Variants in PKD1 observed in about 807,000 individuals in gnomAD.
PKD1 encodes the protein polycystin 1, transient receptor potential channel interacting.
PKD1 carries 81 observed loss-of-function variants against 361.7 expected under a neutral mutation model. The observed-to-expected ratio is 0.22, with a 90% CI of 0.19 to 0.27. PKD1 has a LOEUF of 0.27. Among genes scored for constraint, PKD1 ranks in the 10% least tolerant of loss-of-function variants. The probability of loss-of-function intolerance (pLI) is 1.00; values close to 1 mark genes in which losing one functional copy is unlikely to be tolerated. For synonymous variants in PKD1, 3,615 were observed against 2,818.3 expected (o/e 1.28, Z -8.95); for missense variants, 6,399 against 6,118.3 (o/e 1.05, Z -1.53).
Position 2,116,865 on chromosome 16 carries a change from G to C in PKD1, c.1574C>G (p.Pro525Arg), listed in dbSNP as rs756501602. The C allele has an allele frequency of 7.2e-6, 11 of 1,530,832 alleles. No homozygotes were observed. The East Asian group carries it at 7.3e-5, about 10-fold the overall frequency. The allele number at this position is 1,530,832 out of a possible 1,614,324, so 94.8% of individuals were successfully genotyped here. The change falls in exon 7 of 46, where the codon CCG becomes CGG. Residue 525 changes from proline (P) to arginine (R), a missense_variant. Transcript: ENST00000262304. The part of the protein sequence containing the change: ...GWCNTDLCSA[P>R]HSYVCELQPG... Reference sequence around the variant, plus strand: ...CTGCAGCTCGCAGACGTAGCTGTGCGGCGCTGAGCACAGGTCGGTGTTACA... The same window carrying C: ...CTGCAGCTCGCAGACGTAGCTGTGCCGCGCTGAGCACAGGTCGGTGTTACA...
intron 15 of PKD1, 38 bp from the exon 16 acceptor site, chr16:2,108,070 C>A: frequency 6.3e-7 from 1 of 1,585,850 alleles, no homozygotes; most frequent in Non-Finnish European, 8.6e-7. Flanking sequence ...GGCCTGAGAG[C>A]CCCATCCAGT....
intron 1 of PKD1, among the ~76,000 whole-genome samples, chr16:2,124,404 C>G (rs547467347): frequency 6.6e-6 from 1 of 152,236 alleles, no homozygotes. Context: ...ACAGTTGGCG[C>G]GAGGGTGGGT....
In PKD1 at chr16:2,099,941, G is replaced by A. The variant is rs1263433576; in HGVS notation, c.9843C>T (p.Ala3281=). ...PRSRFTRIQR[A]TCCVLLICLF... ...GGCAGATGAGGAGAACGCAGCAGGT[G>A]GCCCTCTGGATGCGAGTGAAACGGC... Residue 3281 remains alanine (A), a synonymous_variant, in exon 29 of 46, where the codon GCC becomes GCT. Coordinates refer to ENST00000262304, the MANE Select transcript of PKD1 (RefSeq NM_001009944.3). The A allele has an allele frequency of 1.3e-6, 2 of 1,561,962 alleles. No individual in the cohort carries two copies. The highest frequency in any genetic ancestry group is 1.4e-5 in the African/African-American group (1 of 73,686).
chr16:2,116,078 A>G lies in PKD1; in HGVS notation c.1763T>C (p.Phe588Ser). 2.6e-6 allele frequency: 4 copies of G among 1,530,962 alleles called. No individual in the cohort carries two copies. In the Admixed American group the frequency reaches 7.7e-5, roughly 29 times the overall value. The allele number at this position is 1,530,962 out of a possible 1,614,324, so 94.8% of individuals were successfully genotyped here. ...GGTCCCAAATTCGGCCGTGGTGAGG[A>G]AGGCTTCACGGCTCAGACGCAGGCC... ...FPGLRLSREA[F>S]LTTAEFGTQE... The change falls in exon 9 of 46, where the codon TTC becomes TCC. Residue 588 changes from phenylalanine (F) to serine (S), a missense_variant. Physicochemically the swap from Phe to Ser is radical, Grantham distance 155. Coordinates refer to ENST00000262304, the MANE Select transcript of PKD1 (RefSeq NM_001009944.3).
Position 2,111,531 on chromosome 16 carries a change from G to C in PKD1, c.3636C>G (p.Leu1212=), listed in dbSNP as rs753613908. Residue 1212 remains leucine, a synonymous_variant, in exon 15 of 46, where the codon CTC becomes CTG. Coordinates refer to ENST00000262304, the MANE Select transcript of PKD1 (RefSeq NM_001009944.3). Reference sequence around the variant, plus strand: ...GGCTCATGTCCACGCTGAGTCCGCGGAGCTCCTCAAAGACGCGCACATCCG... The same window carrying C: ...GGCTCATGTCCACGCTGAGTCCGCGCAGCTCCTCAAAGACGCGCACATCCG... ...AQADVRVFEE[L]RGLSVDMSLA... The C allele has an allele frequency of 3.1e-6, 5 of 1,605,780 alleles. No homozygotes were observed. In the East Asian group the frequency reaches 1.1e-4, roughly 36 times the overall value.
In PKD1 at chr16:2,089,567, T is replaced by C. The variant is rs1304355286; in HGVS notation, c.*160A>G. ...GGTCCTGGTTGGCCACACAGCCTCT[T>C]TAAAGTGCTGAAGCCCACAGACAGA... On this transcript the variant is annotated 3_prime_UTR_variant, in exon 46 of 46. Transcript: ENST00000262304. 1 of 912,984 alleles carries C rather than the reference T, an allele frequency of 1.1e-6. No individual in the cohort carries two copies. The highest frequency in any genetic ancestry group is 1.7e-6 in the Non-Finnish European group (1 of 603,166). The allele number at this position is 912,984 out of a possible 1,614,324, so 56.6% of individuals were successfully genotyped here. A position where few individuals can be genotyped will look rare whatever the true frequency, so the allele number is the denominator to read the frequency against.
intron 34 of PKD1, 133 bp downstream of exon 34, chr16:2,097,015 A>C: frequency 2.9e-6 from 2 of 677,986 alleles, no homozygotes; most frequent in Non-Finnish European, 5.2e-6. Context: ...GGTTCAGAGA[A>C]GTGAAGTGGT....
In PKD1 at chr16:2,090,989, G is replaced by A. The variant is rs929508956; in HGVS notation, c.11898C>T (p.Phe3966=). The part of the protein sequence containing the change: ...LGAADRQWTR[F]VRGRPRRFTS... ...TGAAGCGGCGCGGGCGGCCGCGCACGAAACGGGTCCACTGGCGGTCAGCGG... is the reference window on the plus strand; with the variant it reads ...TGAAGCGGCGCGGGCGGCCGCGCACAAAACGGGTCCACTGGCGGTCAGCGG... The change falls in exon 43 of 46, where the codon TTC becomes TTT. Residue 3966 remains phenylalanine (F), a synonymous_variant. Transcript: ENST00000262304. The A allele has an allele frequency of 9.1e-6, 14 of 1,536,154 alleles. No individual in the cohort carries two copies. The African/African-American group carries it at 1.1e-4, about 12-fold the overall frequency.
In PKD1 at chr16:2,111,214, G is replaced by A. The variant is rs1348847796; in HGVS notation, c.3953C>T (p.Thr1318Ile). The A allele has an allele frequency of 6.2e-7, 1 of 1,611,208 alleles. No individual in the cohort carries two copies. The highest frequency in any genetic ancestry group is 8.5e-7 in the Non-Finnish European group (1 of 1,179,688). The change falls in exon 15 of 46, where the codon ACC becomes ATC. Residue 1318 changes from threonine to isoleucine, a missense_variant. Physicochemically the swap from Thr to Ile is moderately conservative, Grantham distance 89. Coordinates refer to ENST00000262304, the MANE Select transcript of PKD1 (RefSeq NM_001009944.3). ...QPDARLTAYV[T>I]GNPAHYLFDW... ...GAAGAGGTAGTGGGCCGGGTTCCCG[G>A]TGACGTAGGCCGTGAGCCGCGCGTC...
In PKD1 at chr16:2,103,468, G is replaced by T. The variant is rs745867613; in HGVS notation, c.8589C>A (p.Ile2863=). The T allele has an allele frequency of 1.2e-6, 2 of 1,600,800 alleles. No homozygotes were observed. Among genetic ancestry groups the T allele is most frequent in the Non-Finnish European group, 1.7e-6 (2 of 1,179,634 alleles). Residue 2863 remains isoleucine (I), a synonymous_variant, in exon 23 of 46, where the codon ATC becomes ATA. Transcript: ENST00000262304. The part of the protein sequence containing the change: ...FQTQAGAQIP[I]ERLASERAIT... The stretch of plus-strand genomic sequence containing the variant: ...TGGCGCGCTCTGAGGCCAGCCGCTC[G>T]ATGGGGATCTGGGCGCCGGCCTGTG...
rs764264106 is a variant in PKD1, at chr16:2,108,562, G to T, written c.6605C>A (p.Ala2202Glu). 3 of 1,586,470 alleles carry T rather than the reference G, an allele frequency of 1.9e-6. No homozygotes were observed. The highest frequency in any genetic ancestry group is 2.7e-5 in the African/African-American group (2 of 74,426). The stretch of plus-strand genomic sequence containing the variant: ...GTCCACGCCGGGCAGGGCCACACGC[G>T]CTGGGCGCCCCGGCCGCTGGCAGCT... ...TASCQRPGRPARVALPGVDVS... is the reference protein window; with the variant it reads ...TASCQRPGRPERVALPGVDVS... The change falls in exon 15 of 46, where the codon GCG becomes GAG. Residue 2202 changes from alanine to glutamate, a missense_variant. Physicochemically the swap from Ala to Glu is moderately radical, Grantham distance 107. Transcript: ENST00000262304.
intron 1 of PKD1, among the ~76,000 whole-genome samples, chr16:2,120,949 G>A (rs1322107203): frequency 7.0e-4 from 104 of 149,306 alleles, no homozygotes; most frequent in African/African-American, 2.3e-3. Context: ...CCCGGGAGGC[G>A]AAGGTTGCAG....
Position 2,124,767 on chromosome 16 carries a change from G to A in PKD1, c.216-5389C>T, listed in dbSNP as rs2092772565. ...TGCGCCAGGCCCGGCACCCCCGCCCGCGCTGGCCGCCTCACTGGAAACTGG... is the reference window on the plus strand; with the variant it reads ...TGCGCCAGGCCCGGCACCCCCGCCCACGCTGGCCGCCTCACTGGAAACTGG... On this transcript the variant is annotated intron_variant, in intron 1 of 45. Transcript: ENST00000262304. 3.9e-5 allele frequency among the ~76,000 whole-genome samples: 6 copies of A among 152,318 alleles called. No homozygotes were observed. The South Asian group carries it at 8.3e-4, about 21-fold the overall frequency.
At chr16:2,095,820 G>A (rs1416151586) in intron 34 of PKD1, among the ~76,000 whole-genome samples, 8 of 152,200 alleles carry the variant, frequency 5.3e-5, no homozygotes, top group South Asian at 4.1e-4. Flanking sequence ...AAATCCCCGC[G>A]GAAGCACTGA....
Position 2,108,019 on chromosome 16 carries a change from C to T in PKD1, c.6929G>A (p.Gly2310Glu). 6.4e-7 allele frequency: 1 copy of T among 1,552,462 alleles called. No individual in the cohort carries two copies. The highest frequency in any genetic ancestry group is 2.4e-5 in the East Asian group (1 of 41,432). Residue 2310 changes from glycine (G) to glutamate (E), a missense_variant, in exon 16 of 46, where the codon GGG (glycine) becomes GAG (glutamate). Coordinates refer to ENST00000262304, the MANE Select transcript of PKD1 (RefSeq NM_001009944.3). Reference protein sequence around the residue: ...CVASTQREAGGCALNFGPRGS... With the variant: ...CVASTQREAGECALNFGPRGS... ...GCGGGGCCCAAAGTTCAGCGCACAC[C>T]CGCCAGCCTCCCTCTGCAGGCCGAG...
rs201778279 is a variant in PKD1 at position 2,109,804 on chromosome 16, C to T, written c.5363G>A (p.Gly1788Asp). 2.9e-4 allele frequency: 474 copies of T among 1,610,306 alleles called. No individual in the cohort carries two copies. The highest frequency in any genetic ancestry group is 2.7e-4 in the Non-Finnish European group (316 of 1,179,686). The change falls in exon 15 of 46, where the codon GGC becomes GAC. Residue 1788 changes from glycine (G) to aspartate (D), a missense_variant. By Grantham distance (94) the Gly-to-Asp change is moderately conservative (BLOSUM62 -1). Coordinates refer to ENST00000262304, the MANE Select transcript of PKD1 (RefSeq NM_001009944.3). ...LVTMTAGNPL[G>D]SANATVEVDV... ...CACTTCCACGGTGGCGTTGGCTGAGCCCAGCGGGTTCCCTGCCGTCATGGT... is the reference window on the plus strand; with the variant it reads ...CACTTCCACGGTGGCGTTGGCTGAGTCCAGCGGGTTCCCTGCCGTCATGGT...
intron 34 of PKD1, among the ~76,000 whole-genome samples, chr16:2,096,287 C>T (rs74002781): frequency 0.17 from 26,440 of 152,212 alleles, 3,497 homozygotes; most frequent in African/African-American, 0.37. Context: ...GCACTGCATG[C>T]CACTGCACTG....
chr16:2,124,722 CGTGTGGTCAGCAGCGGGTGTGCGCCAG>C (rs1368705822), intron 1 of PKD1, among the ~76,000 whole-genome samples: 1 of 152,210 alleles, frequency 6.6e-6, no homozygotes, highest in African/African-American at 2.4e-5. Context: ...ATTCCAGACA[CGTGTGGTCAGCAGCGGGTGTGCGCCAG>C]GCCCGGCACC....
At position 2,105,768 on chromosome 16, in the gene PKD1, C is replaced by T. The variant is rs1454060712; in HGVS notation, c.7863+97G>A. 21 of 1,407,126 alleles carry T rather than the reference C, an allele frequency of 1.5e-5. No individual in the cohort carries two copies. In the Admixed American group the frequency reaches 1.9e-4, roughly 13 times the overall value. The allele number at this position is 1,407,126 out of a possible 1,614,324, so 87.2% of individuals were successfully genotyped here. On this transcript the variant is annotated intron_variant, in intron 20 of 45. Transcript: ENST00000262304. ...GTCACTGGGATTTATCTCTGGGGCCCGGGATGAGCCCTCTGCAAAGCTCCA... is the reference window on the plus strand; with the variant it reads ...GTCACTGGGATTTATCTCTGGGGCCTGGGATGAGCCCTCTGCAAAGCTCCA...
Sources: allele counts gnomAD v4.1 joint callset (sites outside exome capture counted in the v4.1 genomes callset), GRCh38; gene constraint gnomAD v4.1.1; transcripts MANE v1.5; gene names NCBI Gene and HGNC (gene_info 2026-07-23, HGNC 2026-07-21).